The following PTPRD variants were observed in gnomAD, a reference collection of about 807,000 sequenced individuals.
The protein encoded by PTPRD is protein tyrosine phosphatase receptor type D, also known as receptor-type tyrosine-protein phosphatase delta.
PTPRD carries 34 observed loss-of-function variants against 214.5 expected under a neutral mutation model. That is an observed-to-expected ratio of 0.16 (90% CI 0.12 to 0.21). The LOEUF (loss-of-function observed/expected upper bound fraction) is 0.21. PTPRD is among the 10% of genes least tolerant of loss of function. The pLI, the probability that PTPRD is intolerant of heterozygous loss-of-function variation, is 1.00. For missense variants in PTPRD, 2,545 were observed against 2,398.7 expected (o/e 1.06, Z -1.27); for synonymous variants, 1,128 against 845.7 (o/e 1.33, Z -5.79).
At chr9:10,570,742 A>G (rs762563811) in intron 2 of PTPRD, among the ~76,000 whole-genome samples, 4 of 152,132 alleles carry the variant, frequency 2.6e-5, no homozygotes, top group African/African-American at 4.8e-5. Context: ...GGACATTTAT[A>G]TGGTTACACT....
intron 36 of PTPRD, among the ~76,000 whole-genome samples, chr9:8,397,071 A>C (rs1370508883): frequency 6.6e-6 from 1 of 152,194 alleles, no homozygotes; most frequent in Non-Finnish European, 1.5e-5. Flanking sequence ...TGCTCTGAAG[A>C]GTGTGAGAAA....
intron 12 of PTPRD, among the ~76,000 whole-genome samples, chr9:8,689,884 G>T (rs1021295342): frequency 4.6e-5 from 7 of 152,084 alleles, no homozygotes; most frequent in African/African-American, 1.7e-4. Flanking sequence ...AAGGCTTGTG[G>T]ATCAACTGAG....
Position 10,085,640 on chromosome 9 carries a change from G to T in PTPRD, c.-544-51850C>A, listed in dbSNP as rs182228944. On this transcript the variant is annotated intron_variant, in intron 3 of 45. Coordinates refer to ENST00000381196, the MANE Select transcript of PTPRD (RefSeq NM_002839.4). Reference sequence around the variant, plus strand: ...TGAGAGACTCAGGAAGAATACTGGCGCCTGCCTGTGCATGCCTCCCATCAC... The same window carrying T: ...TGAGAGACTCAGGAAGAATACTGGCTCCTGCCTGTGCATGCCTCCCATCAC... Among the ~76,000 whole-genome samples, 34 of 151,634 alleles carry T rather than the reference G, an allele frequency of 2.2e-4. No homozygotes were observed. In the East Asian group the frequency reaches 5.5e-3, roughly 24 times the overall value.
Position 9,385,360 on chromosome 9 carries a change from G to A in PTPRD, c.-203+12089C>T, listed in dbSNP as rs567419929. Among the ~76,000 whole-genome samples the A allele has an allele frequency of 2.6e-5, 4 of 152,194 alleles. No homozygotes were observed. The East Asian group carries it at 7.7e-4, about 29-fold the overall frequency. On this transcript the variant is annotated intron_variant, in intron 9 of 45. Transcript: ENST00000381196. Reference sequence around the variant, plus strand: ...AGTCTTCAAAACGTGGTCCCAGAGAGTAAAATAAACAAGAGGAAAGTGAGA... The same window carrying A: ...AGTCTTCAAAACGTGGTCCCAGAGAATAAAATAAACAAGAGGAAAGTGAGA...
intron 10 of PTPRD, among the ~76,000 whole-genome samples, chr9:9,048,806 G>C (rs2099678780): frequency 6.6e-6 from 1 of 152,024 alleles, no homozygotes; most frequent in Non-Finnish European, 1.5e-5. Context: ...AATAACTTAA[G>C]GAGTGTAATA....
At position 9,041,733 on chromosome 9, in the gene PTPRD, C is replaced by T. The variant is rs76453021; in HGVS notation, c.-142-22998G>A. On this transcript the variant is annotated intron_variant, in intron 10 of 45. Transcript: ENST00000381196. ...GCACTGGAAGGCATCTCTAAAACCA[C>T]CTAACTCAACCCATGATCCAAATGG... is the stretch of plus-strand genomic sequence containing the variant. Among the ~76,000 whole-genome samples, 5 of 152,246 alleles carry T rather than the reference C, an allele frequency of 3.3e-5. No homozygotes were observed. In the East Asian group the frequency reaches 5.8e-4, roughly 18 times the overall value.
intron 11 of PTPRD, among the ~76,000 whole-genome samples, chr9:8,843,799 T>G (rs778016021): frequency 6.6e-5 from 10 of 152,182 alleles, no homozygotes; most frequent in Middle Eastern, 3.4e-3. Flanking sequence ...ATTTCTGCAG[T>G]GTAACAAAGA....
rs116201327 is a variant in PTPRD at position 8,745,688 on chromosome 9, C to T, written c.-103-11742G>A. On this transcript the variant is annotated intron_variant, in intron 11 of 45. Transcript: ENST00000381196. ...CAGTAATAGATTTTCTAAATTCTCA[C>T]GTTTGTAATTGAACGAATAACATGC... is the stretch of plus-strand genomic sequence containing the variant. 8.9e-3 allele frequency among the ~76,000 whole-genome samples: 1,355 copies of T among 152,232 alleles called. 21 individuals are homozygous for T. The highest frequency in any genetic ancestry group is 0.031 in the African/African-American group (1,269 of 41,518).
At chr9:10,035,019 T>G (rs2097152465) in intron 3 of PTPRD, among the ~76,000 whole-genome samples, 1 of 152,166 alleles carries the variant, frequency 6.6e-6, no homozygotes, top group Admixed American at 6.6e-5. Context: ...GGTCTTTGAG[T>G]AGTCTCCACA....
chr9:8,740,010 A>G (rs946108238), intron 11 of PTPRD, among the ~76,000 whole-genome samples: 1 of 152,156 alleles, frequency 6.6e-6, no homozygotes, highest in African/African-American at 2.4e-5. Context: ...CCAGTGTCTC[A>G]GGTATGTCTT....
intron 3 of PTPRD, among the ~76,000 whole-genome samples, chr9:10,236,381 G>C (rs914007309): frequency 8.6e-5 from 13 of 151,892 alleles, no homozygotes; most frequent in Non-Finnish European, 1.8e-4. Context: ...TTGACAGTTA[G>C]GCTTAAAATG....
chr9:10,363,430 G>A (rs745983291), intron 2 of PTPRD, among the ~76,000 whole-genome samples: 2 of 152,026 alleles, frequency 1.3e-5, no homozygotes, highest in South Asian at 2.1e-4. Context: ...TTTCACTGTC[G>A]CCATTATTTT....
At chr9:9,273,185 G>C (rs1020749113) in intron 9 of PTPRD, among the ~76,000 whole-genome samples, 2 of 151,190 alleles carry the variant, frequency 1.3e-5, no homozygotes, top group Non-Finnish European at 3.0e-5. Context: ...TCAATATATG[G>C]CAAAAATGAT....
At chr9:8,874,813 C>T (rs2098363512) in intron 11 of PTPRD, among the ~76,000 whole-genome samples, 1 of 152,182 alleles carries the variant, frequency 6.6e-6, no homozygotes, top group South Asian at 2.1e-4. Context: ...CTTGAAACCA[C>T]CATGCGGAGC....
intron 2 of PTPRD, among the ~76,000 whole-genome samples, chr9:10,452,062 T>C (rs1173229235): frequency 6.6e-6 from 1 of 151,978 alleles, no homozygotes; most frequent in Non-Finnish European, 1.5e-5. Context: ...TACAGTTTCA[T>C]CAGTGAGACT....
At chr9:9,509,623 A>C (rs909219691) in intron 8 of PTPRD, among the ~76,000 whole-genome samples, 5 of 151,554 alleles carry the variant, frequency 3.3e-5, no homozygotes, top group Non-Finnish European at 7.4e-5. Flanking sequence ...TCAAGGAGAT[A>C]GATTTGAGAC....
intron 9 of PTPRD, among the ~76,000 whole-genome samples, chr9:9,190,370 A>G (rs1032739235): frequency 1.1e-4 from 17 of 151,984 alleles, no homozygotes; most frequent in African/African-American, 3.6e-4. Flanking sequence ...TTCCCATGCT[A>G]TTCTTGTGAT....
At chr9:8,554,815 C>G (rs915504170) in intron 14 of PTPRD, among the ~76,000 whole-genome samples, 1 of 152,136 alleles carries the variant, frequency 6.6e-6, no homozygotes, top group Non-Finnish European at 1.5e-5. Flanking sequence ...CTGCAAACCC[C>G]ACAAAACACT....
At chr9:8,475,435 C>A (rs12380410) in intron 30 of PTPRD, among the ~76,000 whole-genome samples, 3,935 of 152,220 alleles carry the variant, frequency 0.026, 73 homozygotes, top group Non-Finnish European at 0.038. Context: ...CCTCAAGGCT[C>A]TGGCCAAGAA....
Sources: allele counts gnomAD v4.1 joint callset (sites outside exome capture counted in the v4.1 genomes callset), GRCh38; gene constraint gnomAD v4.1.1; transcripts MANE v1.5; gene names NCBI Gene and HGNC (gene_info 2026-07-23, HGNC 2026-07-21).